Variants in RNF214 observed in about 807,000 individuals in gnomAD.
The protein encoded by RNF214 is ring finger protein 214.
RNF214 carries 25 observed loss-of-function variants against 75.9 expected under a neutral mutation model. The observed-to-expected ratio is 0.33, with a 90% confidence interval of 0.24 to 0.46. The LOEUF (loss-of-function observed/expected upper bound fraction) is 0.46, where lower values mean the gene tolerates loss of function less well. RNF214 is among the 20% of genes least tolerant of loss of function. The pLI is 1.00. For synonymous variants in RNF214, 314 were observed against 308.8 expected, an observed-to-expected ratio of 1.02 and a Z score of -0.18; for missense variants, 725 against 857.5, an observed-to-expected ratio of 0.85 and a Z score of 1.93.
Position 117,239,043 on chromosome 11 carries a change from G to T in RNF214, c.550G>T (p.Val184Phe), listed in dbSNP as rs2032997625. Reference protein sequence around the residue: ...VVSPANGVEGVRVDQDDDQDS... With the variant: ...VVSPANGVEGFRVDQDDDQDS... ...GTCTCCAGCAAATGGGGTTGAAGGA[G>T]TCCGAGTGGATCAGGATGATGATCA... The change falls in exon 3 of 15, where the codon GTC becomes TTC. Residue 184 changes from valine to phenylalanine, a missense_variant. Around this residue, in one of 2 missense-constraint regions of RNF214, gnomAD observed 362 missense variants for 344.5 expected, o/e 1.05. Transcript: ENST00000300650. 1 of 1,614,072 alleles carries T rather than the reference G, an allele frequency of 6.2e-7. No homozygotes were observed. Among genetic ancestry groups the T allele is most frequent in the Non-Finnish European group, 8.5e-7 (1 of 1,180,054 alleles).
chr11:117,254,800 T>G (rs2033482035), intron 6 of RNF214, among the ~76,000 whole-genome samples: 1 of 152,114 alleles, frequency 6.6e-6, no homozygotes, highest in South Asian at 2.1e-4. Flanking sequence ...ATTTTTTATA[T>G]TTTTATTAGA....
chr11:117,235,244 T>C lies in RNF214; in HGVS notation c.107+865T>C, dbSNP rs570021864. 7.9e-5 allele frequency among the ~76,000 whole-genome samples: 12 copies of C among 152,298 alleles called. No homozygotes were observed. The South Asian group carries it at 2.5e-3, about 32-fold the overall frequency. ...GGAGTCTCACTCTGTTGGCCCAGGC[T>C]GGAGTGCAGTGGCGCGATCTCGGCT... On this transcript the variant is annotated intron_variant, in intron 2 of 14. Coordinates refer to ENST00000300650, the MANE Select transcript of RNF214 (RefSeq NM_207343.4).
rs377379346 is a variant in RNF214 at position 117,281,395 on chromosome 11, G to T, written c.1227G>T (p.Lys409Asn). The T allele has an allele frequency of 3.9e-5, 63 of 1,610,292 alleles. No individual in the cohort carries two copies. The highest frequency in any genetic ancestry group is 3.7e-4 in the African/African-American group (28 of 74,926). The stretch of plus-strand genomic sequence containing the variant: ...TGAATGGAGTTCGGATAATGAAAAA[G>T]AATGTTCGTGTAAGTGTATCTATGA... Reference protein sequence around the residue: ...TRLNGVRIMKKNVRDQFNSHI... With the variant: ...TRLNGVRIMKNNVRDQFNSHI... The change falls in exon 9 of 15, where the codon AAG (lysine) becomes AAT (asparagine). Residue 409 changes from lysine (K) to asparagine (N), a missense_variant. This residue lies in a region of RNF214 where 363 missense variants were observed against 513.0 expected (regional missense o/e 0.71). Transcript: ENST00000300650.
At chr11:117,233,135 C>T (rs983541761) in intron 1 of RNF214, among the ~76,000 whole-genome samples, 11 of 152,226 alleles carry the variant, frequency 7.2e-5, no homozygotes, top group African/African-American at 2.4e-4. Context: ...TACACTCGAC[C>T]CTCCAGCCAG....
chr11:117,237,523 A>C (rs1436742710), intron 2 of RNF214, among the ~76,000 whole-genome samples: 3 of 152,244 alleles, frequency 2.0e-5, no homozygotes. Flanking sequence ...GGGGTCAAAG[A>C]AATTAAACAT....
intron 4 of RNF214, among the ~76,000 whole-genome samples, chr11:117,241,659 C>T (rs2033083403): frequency 6.6e-6 from 1 of 151,908 alleles, no homozygotes; most frequent in Non-Finnish European, 1.5e-5. Flanking sequence ...TGCTTGTTAG[C>T]CATGTGTATA....
intron 6 of RNF214, among the ~76,000 whole-genome samples, chr11:117,268,929 C>A (rs970413245): frequency 7.9e-5 from 12 of 152,150 alleles, no homozygotes; most frequent in Admixed American, 5.2e-4. Flanking sequence ...TAAAAATTAA[C>A]TGACAGAAGG....
intron 6 of RNF214, among the ~76,000 whole-genome samples, chr11:117,271,328 G>T (rs1225834638): frequency 6.6e-6 from 1 of 152,124 alleles, no homozygotes; most frequent in Non-Finnish European, 1.5e-5. Context: ...CTGTGAACCC[G>T]TTTTTGTCTC....
Position 117,281,571 on chromosome 11 carries a change from G to T in RNF214, c.1237-29G>T, listed in dbSNP as rs371849526. The T allele has an allele frequency of 6.5e-6, 10 of 1,536,176 alleles. No homozygotes were observed. In the African/African-American group the frequency reaches 1.4e-4, roughly 21 times the overall value. On this transcript the variant is annotated intron_variant, in intron 9 of 14. Transcript: ENST00000300650. ...TTTCTAGAGAGCCTGAGTCAGTTCA[G>T]CAGTAAAAATAATCCTTTTTTTTTT...
chr11:117,251,216 C>G (rs1235445553), intron 6 of RNF214, among the ~76,000 whole-genome samples: 1 of 105,690 alleles, frequency 9.5e-6, no homozygotes, highest in Non-Finnish European at 1.9e-5. Context: ...CCGCACCTCC[C>G]GGACGGGGCG....
intron 6 of RNF214, among the ~76,000 whole-genome samples, chr11:117,261,505 G>A (rs1457319757): frequency 1.3e-5 from 2 of 152,136 alleles, no homozygotes; most frequent in African/African-American, 4.8e-5. Flanking sequence ...TCTTGAACCT[G>A]GAAGGCGAAG....
Position 117,238,679 on chromosome 11 carries a change from C to T in RNF214, c.186C>T (p.Asn62=). The T allele has an allele frequency of 6.2e-7, 1 of 1,614,168 alleles. No individual in the cohort carries two copies. Residue 62 remains asparagine, a synonymous_variant, in exon 3 of 15, where the codon AAC becomes AAT. Transcript: ENST00000300650. ...GCCAAACAATAACCAAGGAGAATAA[C>T]AGAAATGTCCATTTGGAGCACTCAG... ...VSSQTITKEN[N]RNVHLEHSEQ...
At chr11:117,273,573 G>A (rs1591838370) in intron 6 of RNF214, among the ~76,000 whole-genome samples, 1 of 152,124 alleles carries the variant, frequency 6.6e-6, no homozygotes. Flanking sequence ...AAGTTTATAT[G>A]ACCACTGTGC....
intron 6 of RNF214, among the ~76,000 whole-genome samples, chr11:117,266,021 A>G (rs1442538414): frequency 6.6e-6 from 1 of 152,204 alleles, no homozygotes; most frequent in East Asian, 1.9e-4. Context: ...AGATTCATCC[A>G]TGAGGTGGTA....
chr11:117,273,076 T>C (rs2033944257), intron 6 of RNF214, among the ~76,000 whole-genome samples: 1 of 152,134 alleles, frequency 6.6e-6, no homozygotes, highest in Non-Finnish European at 1.5e-5. Flanking sequence ...AGAATAATAA[T>C]ATTGTTTACA....
chr11:117,242,192 C>T (rs374127739), intron 4 of RNF214, among the ~76,000 whole-genome samples: 4 of 152,028 alleles, frequency 2.6e-5, no homozygotes, highest in Non-Finnish European at 4.4e-5. Flanking sequence ...TAAATGTACA[C>T]TTTTTAAAGG....
intron 6 of RNF214, among the ~76,000 whole-genome samples, chr11:117,252,162 C>T (rs1190870427): frequency 1.3e-5 from 2 of 152,186 alleles, no homozygotes; most frequent in Admixed American, 6.5e-5. Flanking sequence ...AGCCATCCTG[C>T]CTGGCCTATG....
intron 3 of RNF214, 139 bp downstream of exon 3, chr11:117,239,250 C>G (rs2033004444): frequency 1.3e-6 from 1 of 766,642 alleles, no homozygotes; most frequent in African/African-American, 1.7e-5. Context: ...CATCATACTA[C>G]TCTCATACAG....
intron 6 of RNF214, among the ~76,000 whole-genome samples, chr11:117,258,845 C>G (rs1277035456): frequency 6.6e-6 from 1 of 152,216 alleles, no homozygotes; most frequent in Non-Finnish European, 1.5e-5. Context: ...CAGTGCTTCA[C>G]ATAAATGGAA....
Sources: allele counts gnomAD v4.1 joint callset (sites outside exome capture counted in the v4.1 genomes callset), GRCh38; gene constraint gnomAD v4.1.1; regional missense constraint gnomAD v4.1.1; transcripts MANE v1.5; gene names NCBI Gene and HGNC (gene_info 2026-07-23, HGNC 2026-07-21).